The following CACNA1S variants were observed in gnomAD, a reference collection of about 807,000 sequenced individuals.
The protein encoded by CACNA1S is calcium voltage-gated channel subunit alpha1 S, also known as voltage-dependent L-type calcium channel subunit alpha-1S.
A neutral mutation model predicts 207.4 loss-of-function variants in CACNA1S; 126 were observed. The observed-to-expected ratio is 0.61, with a 90% CI of 0.53 to 0.70. The LOEUF is 0.70. CACNA1S is among the 30% of genes least tolerant of loss of function. The probability of loss-of-function intolerance (pLI) is 0.00; values close to 1 mark genes in which losing one functional copy is unlikely to be tolerated. For missense variants in CACNA1S, 2,349 were observed against 2,422.8 expected (o/e 0.97, Z 0.64); for synonymous variants, 960 against 932.7 (o/e 1.03, Z -0.53).
intron 38 of CACNA1S, 128 bp from the exon 39 acceptor site, chr1:201,044,584 C>T: frequency 9.5e-7 from 1 of 1,058,054 alleles, no homozygotes; most frequent in South Asian, 1.4e-5. Context: ...AATCTGAGCT[C>T]ACTGTAACCT....
intron 2 of CACNA1S, among the ~76,000 whole-genome samples, chr1:201,100,644 G>A (rs1662617898): frequency 6.6e-6 from 1 of 152,140 alleles, no homozygotes; most frequent in African/African-American, 2.4e-5. Flanking sequence ...AGACACACCA[G>A]GGCTGACTAG....
At chr1:201,040,824 T>A in intron 41 of CACNA1S, 111 bp from the exon 42 acceptor site, 2 of 792,268 alleles carry the variant, frequency 2.5e-6, no homozygotes, top group Non-Finnish European at 4.3e-6. Context: ...AGCTCTGAGA[T>A]TCTCAGGGCT....
intron 10 of CACNA1S, among the ~76,000 whole-genome samples, chr1:201,078,989 C>T (rs1217011370): frequency 6.6e-6 from 1 of 151,754 alleles, no homozygotes; most frequent in Non-Finnish European, 1.5e-5. Context: ...GGTGTGGTGG[C>T]ATGAGCCTGT....
chr1:201,071,618 A>G (rs60807321), intron 16 of CACNA1S, among the ~76,000 whole-genome samples: 9,938 of 151,464 alleles, frequency 0.066, 1,008 homozygotes, highest in African/African-American at 0.22. Flanking sequence ...TCCAGCCCAC[A>G]CCCCCTCTAC....
At chr1:201,093,020 T>C (rs1662293364) in intron 3 of CACNA1S, among the ~76,000 whole-genome samples, 1 of 152,212 alleles carries the variant, frequency 6.6e-6, no homozygotes, top group South Asian at 2.1e-4. Flanking sequence ...GAAAACAGGA[T>C]TGTGGCAAGA....
intron 29 of CACNA1S, among the ~76,000 whole-genome samples, 175 bp downstream of exon 29, chr1:201,054,330 G>A (rs1304030521): frequency 6.6e-6 from 1 of 152,174 alleles, no homozygotes. Flanking sequence ...ACACTTGACT[G>A]CAGAGCCTCT....
At chr1:201,044,560 G>A in intron 38 of CACNA1S, 104 bp from the exon 39 acceptor site, 2 of 1,351,188 alleles carry the variant, frequency 1.5e-6, no homozygotes, top group South Asian at 1.2e-5. Context: ...GCCCAGGCTG[G>A]AGTGCAGTGG....
At chr1:201,041,460 C>G (rs1447646696) in intron 41 of CACNA1S, 44 bp downstream of exon 41, 1 of 1,491,508 alleles carries the variant, frequency 6.7e-7, no homozygotes, top group African/African-American at 1.4e-5. Context: ...CCGGACTCCT[C>G]TGGGAGAAGA....
intron 13 of CACNA1S, 84 bp from the exon 14 acceptor site, chr1:201,074,704 AG>A: frequency 1.2e-6 from 1 of 822,962 alleles, no homozygotes; most frequent in Non-Finnish European, 2.0e-6. Flanking sequence ...GCATGTGGGC[AG>A]GACCTAACCC....
chr1:201,048,899 C>A, intron 35 of CACNA1S, 104 bp downstream of exon 35: 2 of 985,686 alleles, frequency 2.0e-6, no homozygotes, highest in Non-Finnish European at 3.2e-6. Context: ...CCCAGGAGAT[C>A]CCGGCTCTAC....
Position 201,077,939 on chromosome 1 carries a change from G to A in CACNA1S, c.1559C>T (p.Thr520Ile). 1.9e-6 allele frequency: 3 copies of A among 1,614,146 alleles called. No individual in the cohort carries two copies. Among genetic ancestry groups the A allele is most frequent in the Non-Finnish European group, 2.5e-6 (3 of 1,179,978 alleles). The change falls in exon 11 of 44, where the codon ACA becomes ATA. Residue 520 changes from threonine to isoleucine, a missense_variant. Coordinates refer to ENST00000362061, the MANE Select transcript of CACNA1S (RefSeq NM_000069.3). Reference protein sequence around the residue: ...EILLVESGAMTPLGISVLRCI... With the variant: ...EILLVESGAMIPLGISVLRCI... Reference sequence around the variant, plus strand: ...GCGGAGCACGGAGATGCCCAGGGGTGTCATGGCACCCGACTCCACCAGCAG... The same window carrying A: ...GCGGAGCACGGAGATGCCCAGGGGTATCATGGCACCCGACTCCACCAGCAG...
chr1:201,051,957 A>T (rs190946413), intron 32 of CACNA1S, among the ~76,000 whole-genome samples: 3 of 152,214 alleles, frequency 2.0e-5, no homozygotes, highest in Admixed American at 1.3e-4. Context: ...AGCCTTTGAC[A>T]CGCTGTGCCA....
At chr1:201,069,062 T>C in intron 19 of CACNA1S, 75 bp downstream of exon 19, 1 of 1,308,462 alleles carries the variant, frequency 7.6e-7, no homozygotes, top group South Asian at 1.2e-5. Flanking sequence ...CTCCAGCCCC[T>C]GAGTTCAGTG....
intron 40 of CACNA1S, among the ~76,000 whole-genome samples, chr1:201,042,462 T>C (rs1432794973): frequency 6.6e-6 from 1 of 152,204 alleles, no homozygotes; most frequent in Non-Finnish European, 1.5e-5. Flanking sequence ...GTCCCAATCA[T>C]ATCACATAAC....
intron 16 of CACNA1S, among the ~76,000 whole-genome samples, chr1:201,071,005 G>T (rs926208332): frequency 6.6e-6 from 1 of 152,194 alleles, no homozygotes; most frequent in African/African-American, 2.4e-5. Context: ...CAGGATGCAG[G>T]CAGGGGATAG....
Position 201,069,572 on chromosome 1 carries a change from T to G in CACNA1S, c.2390A>C (p.Asn797Thr). The G allele has an allele frequency of 6.4e-7, 1 of 1,563,342 alleles. No individual in the cohort carries two copies. Among genetic ancestry groups the G allele is most frequent in the Non-Finnish European group, 8.7e-7 (1 of 1,153,026 alleles). The change falls in exon 18 of 44, where the codon AAT becomes ACT. Residue 797 changes from asparagine to threonine, a missense_variant. Physicochemically the swap from Asn to Thr is moderately conservative, Grantham distance 65. Coordinates refer to ENST00000362061, the MANE Select transcript of CACNA1S (RefSeq NM_000069.3). ...KIRVLCHRIV[N>T]ATWFTNFILL... Reference sequence around the variant, plus strand: ...GATGAAGTTGGTAAACCAGGTGGCATTGACGATGCGGTGACACAGGACACG... The same window carrying G: ...GATGAAGTTGGTAAACCAGGTGGCAGTGACGATGCGGTGACACAGGACACG...
chr1:201,069,114 G>A, intron 19 of CACNA1S, 23 bp downstream of exon 19: 1 of 1,608,836 alleles, frequency 6.2e-7, no homozygotes, highest in African/African-American at 1.3e-5. Context: ...CCTCCCCAGG[G>A]CTGCCCCACA....
intron 24 of CACNA1S, among the ~76,000 whole-genome samples, 168 bp downstream of exon 24, chr1:201,061,776 C>T (rs1661058804): frequency 6.6e-6 from 1 of 152,240 alleles, no homozygotes; most frequent in African/African-American, 2.4e-5. Context: ...GTCAGGCCTA[C>T]TTTGGAGTGA....
rs1553252444 is a variant in CACNA1S at position 201,087,903 on chromosome 1, C to T, written c.927G>A (p.Trp309Ter). The T allele has an allele frequency of 6.2e-7, 1 of 1,613,266 alleles. No homozygotes were observed. Among genetic ancestry groups the T allele is most frequent in the East Asian group, 2.2e-5 (1 of 44,876 alleles). The change falls in exon 7 of 44, where the codon TGG (tryptophan) becomes TGA (stop). Residue 309 changes from tryptophan to a stop codon, truncating the protein, a stop_gained. Transcript: ENST00000362061. LOFTEE classifies it high-confidence loss of function. ...TGAGGGTGACAAAATAGATCCAGGGCCACTCATTCCCGATGGCATCATTGA... is the reference window on the plus strand; with the variant it reads ...TGAGGGTGACAAAATAGATCCAGGGTCACTCATTCCCGATGGCATCATTGA... Reference protein sequence around the residue: ...YWVNDAIGNEWPWIYFVTLIL... With the variant: ...YWVNDAIGNE
Sources: allele counts gnomAD v4.1 joint callset (sites outside exome capture counted in the v4.1 genomes callset), GRCh38; gene constraint gnomAD v4.1.1; transcripts MANE v1.5; gene names NCBI Gene and HGNC (gene_info 2026-07-23, HGNC 2026-07-21).